IGFN1: variants seen among roughly 807,000 people sequenced by gnomAD.
IGFN1 encodes immunoglobulin like and fibronectin type III domain containing 1.
Under a neutral mutation model 289.5 loss-of-function variants are expected in IGFN1, and 253 were observed. The observed-to-expected ratio is 0.87, with a 90% CI of 0.79 to 0.97. IGFN1 has a LOEUF of 0.97. IGFN1 is among the 50% of genes least tolerant of loss of function. IGFN1 has a pLI of 0.00. For missense variants in IGFN1, 4,470 were observed against 4,686.1 expected, an observed-to-expected ratio of 0.95 and a Z score of 1.35; for synonymous variants, 1,706 against 1,788.5, an observed-to-expected ratio of 0.95 and a Z score of 1.16.
chr1:201,222,855 G>C, intron 20 of IGFN1, 28 bp downstream of exon 20: 3 of 1,557,262 alleles, frequency 1.9e-6, no homozygotes, highest in Non-Finnish European at 8.8e-7. Flanking sequence ...GGTGTGGGGA[G>C]GGAAGCCCAG....
rs371301369 is a variant in IGFN1 at position 201,215,577 on chromosome 1, A to G, written c.9034A>G (p.Arg3012Gly). 6.9e-5 allele frequency: 111 copies of G among 1,604,664 alleles called. No individual in the cohort carries two copies. Among genetic ancestry groups the G allele is most frequent in the Non-Finnish European group, 9.4e-5 (110 of 1,175,532 alleles). The change falls in exon 15 of 24, where the codon AGA becomes GGA. Residue 3012 changes from arginine to glycine, a missense_variant. Physicochemically the swap from Arg to Gly is moderately radical, Grantham distance 125 (BLOSUM62 -2). Coordinates refer to ENST00000335211, the MANE Select transcript of IGFN1 (RefSeq NM_001164586.2). ...TGCTCCAGATGTGACAGAGAAACTG[A>G]GAGAGCCACTGGTGGTCAAGGCTGG... ...TIAPDVTEKLREPLVVKAGKP... is the reference protein window; with the variant it reads ...TIAPDVTEKLGEPLVVKAGKP...
In IGFN1 at chr1:201,209,419, G is replaced by A; in HGVS notation, c.4526G>A (p.Ser1509Asn). 1.3e-6 allele frequency: 2 copies of A among 1,531,794 alleles called. No individual in the cohort carries two copies. Among genetic ancestry groups the A allele is most frequent in the African/African-American group, 1.4e-5 (1 of 72,702 alleles). The allele number at this position is 1,531,794 out of a possible 1,614,324, so 94.9% of individuals were successfully genotyped here. ...LGVSEGGGSG[S>N]KAGYRGGLGS... ...GTTTCTGAGGGAGGGGGTTCAGGGA[G>A]CAAAGCAGGTTATAGGGGTGGCTTA... Residue 1509 changes from serine to asparagine, a missense_variant, in exon 12 of 24, where the codon AGC becomes AAC. Around this residue, in one of 8 missense-constraint regions of IGFN1, gnomAD observed 2,011 missense variants for 1,953.4 expected, o/e 1.03. Coordinates refer to ENST00000335211, the MANE Select transcript of IGFN1 (RefSeq NM_001164586.2).
chr1:201,218,528 A>G lies in IGFN1; in HGVS notation c.9770-2A>G. The G allele has an allele frequency of 1.9e-6, 3 of 1,611,766 alleles. No homozygotes were observed. The highest frequency in any genetic ancestry group is 2.5e-6 in the Non-Finnish European group (3 of 1,179,154). On this transcript the variant is annotated splice_acceptor_variant, in intron 17 of 23. Coordinates refer to ENST00000335211, the MANE Select transcript of IGFN1 (RefSeq NM_001164586.2). LOFTEE classifies it high-confidence loss of function. Reference sequence around the variant, plus strand: ...GGACTCACATGGGCGGGCTGTTCACAGAGAGGAGGTGGACGGTGGCGGACG... The same window carrying G: ...GGACTCACATGGGCGGGCTGTTCACGGAGAGGAGGTGGACGGTGGCGGACG...
chr1:201,204,217 T>C lies in IGFN1; in HGVS notation c.916+311T>C, dbSNP rs117865757. Among the ~76,000 whole-genome samples, 23 of 152,352 alleles carry C rather than the reference T, an allele frequency of 1.5e-4. No homozygotes were observed. The East Asian group carries it at 4.2e-3, about 28-fold the overall frequency. ...TATTTTCAGATCAGATCCAGACTAA[T>C]TGCACAGCCTCTAGAACTCCTTTCT... On this transcript the variant is annotated intron_variant, in intron 10 of 23. Transcript: ENST00000335211.
Position 201,211,686 on chromosome 1 carries a change from TAC to T in IGFN1, c.6797_6798del (p.Thr2266ArgfsTer17). ...TCCTGAGGAAATGGGTTCAGGCAGT[TAC>T]ACAGATTACAGGAATGGTTTAGGCA... Reference protein sequence around the residue: ...GAPEEMGSGSYTDYRNGLGSS... With the variant: ...GAPEEMGSGSXTDYRNGLGSS... On this transcript the variant is annotated frameshift_variant, in exon 12 of 24. Transcript: ENST00000335211. LOFTEE classifies it high-confidence loss of function. The T allele has an allele frequency of 6.5e-7, 1 of 1,536,890 alleles. No homozygotes were observed. Among genetic ancestry groups the T allele is most frequent in the Non-Finnish European group, 8.7e-7 (1 of 1,146,750 alleles).
At chr1:201,226,497 C>T (rs977629484) in intron 22 of IGFN1, among the ~76,000 whole-genome samples, 2 of 152,170 alleles carry the variant, frequency 1.3e-5, no homozygotes, top group Admixed American at 1.3e-4. Flanking sequence ...AGATCAGTCA[C>T]AGAAAAGCAG....
rs1653722555 is a variant in IGFN1, at chr1:201,221,505, G to T, written c.9960G>T (p.Leu3320=). Residue 3320 remains leucine (L), a synonymous_variant, in exon 19 of 24, where the codon CTG becomes CTT. Coordinates refer to ENST00000335211, the MANE Select transcript of IGFN1 (RefSeq NM_001164586.2). ...VTDRSNTSIT[L]SWAGPDTQEG... The stretch of plus-strand genomic sequence containing the variant: ...ACAGATCGAACACCAGCATCACTCT[G>T]AGCTGGGCTGGGCCAGACACCCAGG... 2 of 1,613,598 alleles carry T rather than the reference G, an allele frequency of 1.2e-6. No homozygotes were observed. Among genetic ancestry groups the T allele is most frequent in the Non-Finnish European group, 1.7e-6 (2 of 1,179,810 alleles).
intron 2 of IGFN1, 42 bp downstream of exon 2, chr1:201,193,342 G>A (rs750068911): frequency 5.4e-6 from 8 of 1,475,984 alleles, no homozygotes; most frequent in East Asian, 2.5e-5. Context: ...CCTCCCTGGC[G>A]ATCCTTACCA....
chr1:201,226,580 A>G (rs1348124263), intron 22 of IGFN1, among the ~76,000 whole-genome samples: 1 of 152,226 alleles, frequency 6.6e-6, no homozygotes, highest in African/African-American at 2.4e-5. Context: ...CCAGAATGTC[A>G]GCTATAGTCA....
Position 201,208,152 on chromosome 1 carries a change from G to A in IGFN1, c.3259G>A (p.Gly1087Ser), listed in dbSNP as rs1455942069. The change falls in exon 12 of 24, where the codon GGT (glycine) becomes AGT (serine). Residue 1087 changes from glycine (G) to serine (S), a missense_variant. Coordinates refer to ENST00000335211, the MANE Select transcript of IGFN1 (RefSeq NM_001164586.2). ...GAGTCCTGGGGTGACAGGGTCTGCG[G>A]GTAGAGGTGGTCTCAAGGCCCCTGG... The part of the protein sequence containing the change: ...LGSPGVTGSA[G>S]RGGLKAPGVV... The A allele has an allele frequency of 6.5e-7, 1 of 1,536,898 alleles. No homozygotes were observed. The highest frequency in any genetic ancestry group is 1.4e-5 in the African/African-American group (1 of 73,008).
In IGFN1 at chr1:201,216,045, G is replaced by C. The variant is rs372188140; in HGVS notation, c.9295+207G>C. 375 of 726,876 alleles carry C rather than the reference G, an allele frequency of 5.2e-4. 1 individual carries two copies. Among genetic ancestry groups the C allele is most frequent in the African/African-American group, 2.7e-3 (154 of 57,536 alleles). 45.0% of individuals were successfully genotyped at this position (726,876 alleles called of 1,614,324 possible). ...GAACACAGTGCTGGGCTCCTGCTGG[G>C]GGGGAGGAGCCGGTTATGCTTCTCT... is the stretch of plus-strand genomic sequence containing the variant. On this transcript the variant is annotated intron_variant, in intron 15 of 23. Coordinates refer to ENST00000335211, the MANE Select transcript of IGFN1 (RefSeq NM_001164586.2).
At chr1:201,193,988 G>A (rs1308303396) in intron 2 of IGFN1, among the ~76,000 whole-genome samples, 166 bp from the exon 3 acceptor site, 1 of 152,154 alleles carries the variant, frequency 6.6e-6, no homozygotes, top group East Asian at 1.9e-4. Flanking sequence ...GAATTCAAAA[G>A]CACTGTGCAC....
At chr1:201,199,460 C>A in intron 6 of IGFN1, 82 bp downstream of exon 6, 1 of 1,440,338 alleles carries the variant, frequency 6.9e-7, no homozygotes, top group Non-Finnish European at 9.6e-7. Context: ...CCTGGTTGAG[C>A]TACCATGAAC....
chr1:201,212,404 G>A lies in IGFN1; in HGVS notation c.7511G>A (p.Arg2504Lys). Residue 2504 changes from arginine to lysine, a missense_variant, in exon 12 of 24, where the codon AGA (arginine) becomes AAA (lysine). Physicochemically the swap from Arg to Lys is conservative, Grantham distance 26. This residue lies in a region of IGFN1 where 2,218 missense variants were observed against 2,114.1 expected (regional missense o/e 1.05). Coordinates refer to ENST00000335211, the MANE Select transcript of IGFN1 (RefSeq NM_001164586.2). Reference protein sequence around the residue: ...QDSSGTPGSSRDRGAPRVKDR... With the variant: ...QDSSGTPGSSKDRGAPRVKDR... ...AGTTCTGGGACTCCAGGGTCTTCTA[G>A]AGACAGAGGGGCTCCCAGGGTGAAG... is the stretch of plus-strand genomic sequence containing the variant. 6.5e-7 allele frequency: 1 copy of A among 1,537,036 alleles called. No individual in the cohort carries two copies. The highest frequency in any genetic ancestry group is 8.7e-7 in the Non-Finnish European group (1 of 1,146,814).
Position 201,226,111 on chromosome 1 carries a change from C to T in IGFN1, c.10774C>T (p.Pro3592Ser), listed in dbSNP as rs1654078859. Reference protein sequence around the residue: ...PSDTSQPWCIPRQRDRFTVKA... With the variant: ...PSDTSQPWCISRQRDRFTVKA... Reference sequence around the variant, plus strand: ...GGACACCAGCCAGCCCTGGTGCATCCCCCGGCAGCGCGGTAAGCAGCCCCT... The same window carrying T: ...GGACACCAGCCAGCCCTGGTGCATCTCCCGGCAGCGCGGTAAGCAGCCCCT... The change falls in exon 22 of 24, where the codon CCC (proline) becomes TCC (serine). Residue 3592 changes from proline to serine, a missense_variant. Pro to Ser is a moderately conservative substitution (Grantham distance 74). Around this residue, in one of 8 missense-constraint regions of IGFN1, gnomAD observed 2,218 missense variants for 2,114.1 expected, o/e 1.05. Transcript: ENST00000335211. 1 of 1,595,542 alleles carries T rather than the reference C, an allele frequency of 6.3e-7. No homozygotes were observed. The highest frequency in any genetic ancestry group is 2.2e-5 in the East Asian group (1 of 44,472).
In IGFN1 at chr1:201,220,068, T is replaced by TC. The variant is rs397707070; in HGVS notation, c.9899-1374dup. ...TTCTTTCTCTTTCTGTTCTTTTTTT[T>TC]CCTTTCTTTCTCTTTTTCTTTCTTT... On this transcript the variant is annotated intron_variant, in intron 18 of 23. Coordinates refer to ENST00000335211, the MANE Select transcript of IGFN1 (RefSeq NM_001164586.2). 1.6e-4 allele frequency among the ~76,000 whole-genome samples: 23 copies of TC among 145,198 alleles called. 1 individual carries two copies. The highest frequency in any genetic ancestry group is 5.6e-4 in the African/African-American group (22 of 38,952).
chr1:201,208,721 T>C lies in IGFN1; in HGVS notation c.3828T>C (p.Ser1276=), dbSNP rs1369450903. Residue 1276 remains serine (S), a synonymous_variant, in exon 12 of 24, where the codon AGT becomes AGC. Coordinates refer to ENST00000335211, the MANE Select transcript of IGFN1 (RefSeq NM_001164586.2). The stretch of plus-strand genomic sequence containing the variant: ...CAGGTTGTAGGAAGGGTATTGGGAG[T>C]TCTGGGGAAATGGGGTCAGTGGATA... ...DGPGCRKGIG[S]SGEMGSVDKE... 6.5e-6 allele frequency: 10 copies of C among 1,536,362 alleles called. No individual in the cohort carries two copies. Among genetic ancestry groups the C allele is most frequent in the East Asian group, 2.4e-5 (1 of 40,918 alleles).
rs772035560 is a variant in IGFN1 at position 201,212,732 on chromosome 1, A to C, written c.7839A>C (p.Ser2613=). 37 of 1,551,246 alleles carry C rather than the reference A, an allele frequency of 2.4e-5. No homozygotes were observed. The Admixed American group carries it at 6.9e-4, about 29-fold the overall frequency. Residue 2613 remains serine (S), a synonymous_variant, in exon 12 of 24, where the codon TCA becomes TCC. Transcript: ENST00000335211. ...SMPGGRGKST[S]GPADRQGTSN... ...CTGGGGGAAGGGGCAAGTCAACATC[A>C]GGGCCTGCTGATAGACAAGGGACGA... is the stretch of plus-strand genomic sequence containing the variant.
chr1:201,213,619 A>C lies in IGFN1; in HGVS notation c.8726A>C (p.Gln2909Pro), dbSNP rs756772902. Reference protein sequence around the residue: ...PGTGSFSKDAQGPMGHFSQGL... With the variant: ...PGTGSFSKDAPGPMGHFSQGL... ...ACTGGCAGTTTCTCCAAGGATGCCC[A>C]AGGTAGGTGCTTCTCTGCTGAGCTG... Residue 2909 changes from glutamine to proline, a missense_variant and splice_region_variant, in exon 12 of 24, where the codon CAA becomes CCA. Physicochemically the swap from Gln to Pro is moderately conservative, Grantham distance 76 (BLOSUM62 -1). Transcript: ENST00000335211. The C allele has an allele frequency of 1.2e-6, 2 of 1,612,922 alleles. No homozygotes were observed. Among genetic ancestry groups the C allele is most frequent in the East Asian group, 4.5e-5 (2 of 44,856 alleles).
Sources: gnomAD v4.1 joint callset for allele counts (sites outside exome capture counted in the v4.1 genomes callset) on GRCh38, gnomAD v4.1.1 for gene constraint, gnomAD v4.1.1 regional missense constraint, MANE v1.5 for transcripts, NCBI Gene and HGNC (gene_info 2026-07-23, HGNC 2026-07-21) for gene names.